TCTN2: variants seen among roughly 807,000 people sequenced by gnomAD.
TCTN2 encodes the protein tectonic-2.
In TCTN2, 66 loss-of-function variants were observed where a neutral mutation model predicts 83.4. The ratio of observed to expected loss-of-function variants is 0.79; its 90% CI spans 0.65 to 0.97. The LOEUF is 0.97. Among genes scored for constraint, TCTN2 ranks in the 50% least tolerant of loss-of-function variants. The pLI, the probability that TCTN2 is intolerant of heterozygous loss-of-function variation, is 0.00. For synonymous variants in TCTN2, 301 were observed against 326.7 expected (o/e 0.92, Z 0.85); for missense variants, 794 against 858.1 (o/e 0.93, Z 0.93).
rs996953969 is a variant in TCTN2 at position 123,671,152 on chromosome 12, G to A, written c.-89G>A. ...TCGCTTGCAAGATGGCGGCGGCGGGGCAGTGGCTGCTGCGTTTTCGTGTCT... is the reference window on the plus strand; with the variant it reads ...TCGCTTGCAAGATGGCGGCGGCGGGACAGTGGCTGCTGCGTTTTCGTGTCT... On this transcript the variant is annotated 5_prime_UTR_variant, in exon 1 of 18. Transcript: ENST00000303372. 7 of 1,266,088 alleles carry A rather than the reference G, an allele frequency of 5.5e-6. No homozygotes were observed. Among genetic ancestry groups the A allele is most frequent in the Non-Finnish European group, 6.7e-6 (6 of 896,050 alleles). The allele number at this position is 1,266,088 out of a possible 1,614,324, so 78.4% of individuals were successfully genotyped here. A position where few individuals can be genotyped will look rare whatever the true frequency, so the allele number is the denominator to read the frequency against.
At chr12:123,685,480 G>A (rs1300965629) in intron 5 of TCTN2, among the ~76,000 whole-genome samples, 3 of 152,022 alleles carry the variant, frequency 2.0e-5, no homozygotes, top group African/African-American at 4.8e-5. Context: ...GTGCAGTGGT[G>A]TGATCTCTGC....
Position 123,671,332 on chromosome 12 carries a change from G to A in TCTN2, c.82+10G>A. ...CTGTGGGGGGACCTGGGTGTGTACG[G>A]CGCGGCAGTGACCTCGGTGGGCCGG... On this transcript the variant is annotated intron_variant, in intron 1 of 17. Coordinates refer to ENST00000303372, the MANE Select transcript of TCTN2 (RefSeq NM_024809.5). 1 of 1,613,464 alleles carries A rather than the reference G, an allele frequency of 6.2e-7. No individual in the cohort carries two copies. The highest frequency in any genetic ancestry group is 1.1e-5 in the South Asian group (1 of 91,036).
Position 123,699,947 on chromosome 12 carries a change from GT to G in TCTN2, c.1612+139del, listed in dbSNP as rs993859355. On this transcript the variant is annotated intron_variant, in intron 14 of 17. Transcript: ENST00000303372. ...GGCTTAACTGGACGTTTGCCCAGGG[GT>G]TAGATCTCCAGGCAGGAAACTTGGC... 22 of 736,030 alleles carry G rather than the reference GT, an allele frequency of 3.0e-5. No homozygotes were observed. The African/African-American group carries it at 3.5e-4, about 12-fold the overall frequency. The allele number at this position is 736,030 out of a possible 1,614,324, so 45.6% of individuals were successfully genotyped here.
In TCTN2 at chr12:123,705,759, C is replaced by CTTTT. The variant is rs35532522; in HGVS notation, c.1770-956_1770-953dup. ...TTCCTCCTCTTTCCTTTCTTTCTTT[C>CTTTT]TTTTTTTTTTTTTTGAGACGGAGTT... On this transcript the variant is annotated intron_variant, in intron 15 of 17. Transcript: ENST00000303372. Among the ~76,000 whole-genome samples the CTTTT allele has an allele frequency of 4.3e-5, 6 of 140,864 alleles. No homozygotes were observed. In the South Asian group the frequency reaches 1.4e-3, roughly 32 times the overall value. The allele number at this position is 140,864 out of a possible 152,430, so 92.4% of individuals were successfully genotyped here.
chr12:123,696,483 C>T lies in TCTN2; in HGVS notation c.1381C>T (p.Leu461Phe). The T allele has an allele frequency of 1.2e-6, 2 of 1,614,078 alleles. No individual in the cohort carries two copies. The highest frequency in any genetic ancestry group is 2.2e-5 in the East Asian group (1 of 44,882). ...NRMNNVTTLH[L>F]WQSAGRGLCT... ...GATGAATAATGTCACGACTTTACAT[C>T]TTTGGCAATCGGGTAATCCGGTTTG... Residue 461 changes from leucine to phenylalanine, a missense_variant, in exon 12 of 18, where the codon CTT (leucine) becomes TTT (phenylalanine). Physicochemically the swap from Leu to Phe is conservative, Grantham distance 22. Transcript: ENST00000303372.
At chr12:123,671,749 G>T in intron 2 of TCTN2, 135 bp downstream of exon 2, 1 of 766,634 alleles carries the variant, frequency 1.3e-6, no homozygotes, top group South Asian at 1.6e-5. Flanking sequence ...AAAGGATCGG[G>T]CGGCTGCTGT....
chr12:123,686,894 G>A lies in TCTN2; in HGVS notation c.623G>A (p.Gly208Glu), dbSNP rs1279040207. Residue 208 changes from glycine (G) to glutamate (E), a missense_variant, in exon 6 of 18, where the codon GGA (glycine) becomes GAA (glutamate). Gly to Glu is a moderately conservative substitution (Grantham distance 98). Coordinates refer to ENST00000303372, the MANE Select transcript of TCTN2 (RefSeq NM_024809.5). ...CGGTCCTGCTTCACCGGCGTGTTTG[G>A]AGGAGACGTCAATCCTCCTTTTGAT... ...FRRSCFTGVF[G>E]GDVNPPFDQL... 1 of 1,614,206 alleles carries A rather than the reference G, an allele frequency of 6.2e-7. No homozygotes were observed. Among genetic ancestry groups the A allele is most frequent in the Non-Finnish European group, 8.5e-7 (1 of 1,180,044 alleles).
In TCTN2 at chr12:123,692,654, T is replaced by C. The variant is rs1406736331; in HGVS notation, c.1034-4T>C. 4 of 1,610,512 alleles carry C rather than the reference T, an allele frequency of 2.5e-6. No individual in the cohort carries two copies. The highest frequency in any genetic ancestry group is 3.4e-6 in the Non-Finnish European group (4 of 1,176,878). ...GTGGAAGTTAATTTATGTTATCTCT[T>C]TAGGCATAGTTACACCAAAAGTGAT... On this transcript the variant is annotated splice_polypyrimidine_tract_variant and splice_region_variant and intron_variant, in intron 8 of 17. Coordinates refer to ENST00000303372, the MANE Select transcript of TCTN2 (RefSeq NM_024809.5).
At chr12:123,707,387 C>CGT (rs1266746073) in intron 17 of TCTN2, among the ~76,000 whole-genome samples, 2 of 152,044 alleles carry the variant, frequency 1.3e-5, no homozygotes, top group Non-Finnish European at 2.9e-5. Flanking sequence ...GCTGGGATTA[C>CGT]AGCACCAATA....
Position 123,706,754 on chromosome 12 carries a change from T to G in TCTN2, c.1798T>G (p.Cys600Gly). 3 of 1,614,178 alleles carry G rather than the reference T, an allele frequency of 1.9e-6. No individual in the cohort carries two copies. Among genetic ancestry groups the G allele is most frequent in the Non-Finnish European group, 2.5e-6 (3 of 1,180,036 alleles). The stretch of plus-strand genomic sequence containing the variant: ...CTCCTCAGTGAACTGGCAGTACCAG[T>G]GTGGGCTTACCTGTGAGCACAAGGC... ...RFSSVNWQYQ[C>G]GLTCEHKADL... Residue 600 changes from cysteine to glycine, a missense_variant, in exon 16 of 18, where the codon TGT becomes GGT. Coordinates refer to ENST00000303372, the MANE Select transcript of TCTN2 (RefSeq NM_024809.5).
At chr12:123,705,779 G>A (rs956601644) in intron 15 of TCTN2, among the ~76,000 whole-genome samples, 5 of 148,104 alleles carry the variant, frequency 3.4e-5, no homozygotes, top group East Asian at 2.0e-4. Context: ...TTTTTGAGAC[G>A]GAGTTTTGCT....
At chr12:123,676,339 T>G (rs1017236290) in intron 4 of TCTN2, among the ~76,000 whole-genome samples, 1 of 151,680 alleles carries the variant, frequency 6.6e-6, no homozygotes, top group Admixed American at 6.6e-5. Context: ...GAGGCTGAGG[T>G]GGGCGGATCA....
intron 5 of TCTN2, among the ~76,000 whole-genome samples, chr12:123,680,418 T>C (rs577131359): frequency 1.3e-5 from 2 of 151,680 alleles, no homozygotes; most frequent in South Asian, 4.2e-4. Flanking sequence ...CCTCCTAAAG[T>C]GCTGGAATTA....
At chr12:123,693,286 A>G (rs1455051076) in intron 9 of TCTN2, among the ~76,000 whole-genome samples, 1 of 151,346 alleles carries the variant, frequency 6.6e-6, no homozygotes, top group African/African-American at 2.4e-5. Flanking sequence ...TTGGCCTCCC[A>G]AAGTGCTGGG....
chr12:123,680,468 T>C (rs1327718159), intron 5 of TCTN2, among the ~76,000 whole-genome samples: 1 of 127,648 alleles, frequency 7.8e-6, no homozygotes, highest in Non-Finnish European at 1.7e-5. Flanking sequence ...TTTTTTTCTT[T>C]TAGGCTTAGA....
At chr12:123,678,374 A>G (rs1955850819) in intron 4 of TCTN2, among the ~76,000 whole-genome samples, 1 of 152,250 alleles carries the variant, frequency 6.6e-6, no homozygotes, top group Non-Finnish European at 1.5e-5. Flanking sequence ...GCCTGTTGCA[A>G]TGATATTATT....
At chr12:123,674,405 G>A (rs1031584875) in intron 4 of TCTN2, among the ~76,000 whole-genome samples, 1 of 152,026 alleles carries the variant, frequency 6.6e-6, no homozygotes, top group African/African-American at 2.4e-5. Context: ...CGAGTAGCTG[G>A]GACTACAGGC....
chr12:123,696,645 T>C, intron 12 of TCTN2, 150 bp downstream of exon 12: 1 of 734,972 alleles, frequency 1.4e-6, no homozygotes, highest in Non-Finnish European at 2.4e-6. Flanking sequence ...ACAGTGATGA[T>C]GGTTTTTCCT....
rs1323680629 is a variant in TCTN2, at chr12:123,707,908, C to G, written c.*195C>G. 1 of 587,010 alleles carries G rather than the reference C, an allele frequency of 1.7e-6. No homozygotes were observed. Among genetic ancestry groups the G allele is most frequent in the Non-Finnish European group, 3.1e-6 (1 of 326,508 alleles). The allele number at this position is 587,010 out of a possible 1,614,324, so 36.4% of individuals were successfully genotyped here. A position where few individuals can be genotyped will look rare whatever the true frequency, so the allele number is the denominator to read the frequency against. ...TATTTTTAGTAGAGACAGGGTTCCA[C>G]CGTATTGGCCAGGCTGCTCTCGAAC... On this transcript the variant is annotated 3_prime_UTR_variant, in exon 18 of 18. Transcript: ENST00000303372.
Sources: gnomAD v4.1 joint callset for allele counts (sites outside exome capture counted in the v4.1 genomes callset) on GRCh38, gnomAD v4.1.1 for gene constraint, MANE v1.5 for transcripts, NCBI Gene and HGNC (gene_info 2026-07-23, HGNC 2026-07-21) for gene names.